ERC2: variants seen among roughly 807,000 people sequenced by gnomAD.
ERC2 encodes ERC protein 2.
In ERC2, 42 loss-of-function variants were observed where a neutral mutation model predicts 114.8. That is an observed-to-expected ratio of 0.37 (90% CI 0.29 to 0.47). The LOEUF is 0.47. Among genes scored for constraint, ERC2 ranks in the 20% least tolerant of loss-of-function variants. The probability of loss-of-function intolerance (pLI) is 0.99; values close to 1 mark genes in which losing one functional copy is unlikely to be tolerated. For missense variants in ERC2, 939 were observed against 1,150.7 expected, an observed-to-expected ratio of 0.82 and a Z score of 2.66; for synonymous variants, 454 against 425.5, an observed-to-expected ratio of 1.07 and a Z score of -0.82.
At chr3:55,839,756 C>T (rs1315244037) in intron 14 of ERC2, among the ~76,000 whole-genome samples, 2 of 151,642 alleles carry the variant, frequency 1.3e-5, no homozygotes, top group Admixed American at 6.6e-5. Flanking sequence ...TAATCCAAAT[C>T]AAGACAGTAA....
intron 2 of ERC2, among the ~76,000 whole-genome samples, chr3:56,397,980 T>C (rs2106917132): frequency 6.6e-6 from 1 of 152,242 alleles, no homozygotes. Flanking sequence ...AGAAGGTGTA[T>C]ACTACGCATA....
chr3:55,787,044 T>C (rs2069562103), intron 14 of ERC2, among the ~76,000 whole-genome samples: 1 of 152,188 alleles, frequency 6.6e-6, no homozygotes, highest in African/African-American at 2.4e-5. Flanking sequence ...GCTTTCCTAA[T>C]TACTATCTGC....
intron 17 of ERC2, among the ~76,000 whole-genome samples, chr3:55,598,595 G>A (rs892680942): frequency 9.2e-5 from 14 of 152,230 alleles, no homozygotes; most frequent in African/African-American, 3.4e-4. Flanking sequence ...CGAGAAACTG[G>A]TTTTTGATCA....
At position 55,680,902 on chromosome 3, in the gene ERC2, G is replaced by A. The variant is rs150317204; in HGVS notation, c.*39+2892C>T. 6.2e-3 allele frequency among the ~76,000 whole-genome samples: 938 copies of A among 152,236 alleles called. 3 individuals are homozygous for A. Among genetic ancestry groups the A allele is most frequent in the Admixed American group, 0.01 (158 of 15,294 alleles). On this transcript the variant is annotated intron_variant, in intron 17 of 17. Transcript: ENST00000288221. Reference sequence around the variant, plus strand: ...CAGCATAGACTACATAATTAGTGGCGCTGAGGGCAAATGAACATGTGAGGC... The same window carrying A: ...CAGCATAGACTACATAATTAGTGGCACTGAGGGCAAATGAACATGTGAGGC...
rs1217237600 is a variant in ERC2, at chr3:56,246,077, T to A, written c.1074+49942A>T. Among the ~76,000 whole-genome samples the A allele has an allele frequency of 2.1e-5, 3 of 141,466 alleles. 1 individual carries two copies. Among genetic ancestry groups the A allele is most frequent in the Non-Finnish European group, 1.5e-5 (1 of 66,190 alleles). The allele number at this position is 141,466 out of a possible 152,430, so 92.8% of individuals were successfully genotyped here. On this transcript the variant is annotated intron_variant, in intron 3 of 17. Coordinates refer to ENST00000288221, the MANE Select transcript of ERC2 (RefSeq NM_015576.3). The stretch of plus-strand genomic sequence containing the variant: ...TGATATTTCTTCCCTAATCATCAGT[T>A]TTTCCTCAGATTCTTTAAAAAAAAA...
chr3:55,656,270 CT>C (rs1419227663), intron 17 of ERC2, among the ~76,000 whole-genome samples: 4 of 152,134 alleles, frequency 2.6e-5, no homozygotes, highest in African/African-American at 9.7e-5. Flanking sequence ...TTCTGAGTAG[CT>C]TGGACTACAG....
At chr3:55,817,789 C>A (rs939493348) in intron 14 of ERC2, among the ~76,000 whole-genome samples, 1 of 152,176 alleles carries the variant, frequency 6.6e-6, no homozygotes, top group Non-Finnish European at 1.5e-5. Context: ...AAATAACGCA[C>A]GTAAAGAGCT....
intron 4 of ERC2, among the ~76,000 whole-genome samples, chr3:56,164,429 A>G (rs7633985): frequency 0.47 from 70,701 of 151,874 alleles, 16,785 homozygotes; most frequent in East Asian, 0.69. Context: ...TCAGTAATTT[A>G]TTACTTTTTG....
intron 17 of ERC2, among the ~76,000 whole-genome samples, chr3:55,565,431 C>T (rs2056303376): frequency 6.6e-6 from 1 of 152,056 alleles, no homozygotes; most frequent in South Asian, 2.1e-4. Context: ...GGAGAGAGGT[C>T]CAGGCCACAG....
chr3:56,171,253 G>A (rs1452853656), intron 4 of ERC2, among the ~76,000 whole-genome samples: 1 of 152,184 alleles, frequency 6.6e-6, no homozygotes, highest in African/African-American at 2.4e-5. Flanking sequence ...GGGGTGTAAT[G>A]TACAAAATCA....
chr3:55,552,334 T>C (rs900246050), intron 17 of ERC2, among the ~76,000 whole-genome samples: 3 of 152,212 alleles, frequency 2.0e-5, no homozygotes, highest in Admixed American at 6.5e-5. Context: ...TGTTTTTCCA[T>C]GGCCATACAT....
At chr3:55,601,002 C>T (rs1298799302) in intron 17 of ERC2, among the ~76,000 whole-genome samples, 2 of 152,236 alleles carry the variant, frequency 1.3e-5, no homozygotes, top group African/African-American at 4.8e-5. Flanking sequence ...CACAGGCCCT[C>T]TTCTGCAGTG....
chr3:56,437,559 A>G (rs1445050837), intron 1 of ERC2, among the ~76,000 whole-genome samples: 1 of 152,256 alleles, frequency 6.6e-6, no homozygotes, highest in Non-Finnish European at 1.5e-5. Flanking sequence ...AATGTTTTCT[A>G]TAAAGGTTTC....
intron 12 of ERC2, among the ~76,000 whole-genome samples, chr3:55,965,822 G>A (rs1013422487): frequency 2.6e-5 from 4 of 152,152 alleles, no homozygotes; most frequent in African/African-American, 9.7e-5. Flanking sequence ...TTAGTCTGAT[G>A]TGAATGAGTA....
intron 16 of ERC2, among the ~76,000 whole-genome samples, chr3:55,696,252 C>T (rs2062922605): frequency 6.6e-6 from 1 of 152,134 alleles, no homozygotes; most frequent in Non-Finnish European, 1.5e-5. Flanking sequence ...AATGATTTTT[C>T]ATATTTCTCC....
chr3:55,810,102 T>A (rs1302908123), intron 14 of ERC2, among the ~76,000 whole-genome samples: 1 of 152,182 alleles, frequency 6.6e-6, no homozygotes, highest in Non-Finnish European at 1.5e-5. Flanking sequence ...ATTTTAAAAA[T>A]CCATCTTAGT....
intron 3 of ERC2, among the ~76,000 whole-genome samples, chr3:56,269,645 A>G (rs960223366): frequency 3.3e-5 from 5 of 152,196 alleles, no homozygotes; most frequent in African/African-American, 1.2e-4. Context: ...CTTAGGAAGG[A>G]AGCAAATAAC....
intron 3 of ERC2, among the ~76,000 whole-genome samples, chr3:56,226,924 A>G (rs1235123799): frequency 1.3e-5 from 2 of 152,202 alleles, no homozygotes. Context: ...CATTGGCAGC[A>G]CCCAAAACTG....
chr3:55,706,963 T>C (rs2063523822), intron 15 of ERC2, among the ~76,000 whole-genome samples: 2 of 152,178 alleles, frequency 1.3e-5, no homozygotes, highest in African/African-American at 2.4e-5. Flanking sequence ...TCAGGATTCC[T>C]TGAGTCTCAT....
Sources: allele counts gnomAD v4.1 joint callset (sites outside exome capture counted in the v4.1 genomes callset), GRCh38; gene constraint gnomAD v4.1.1; transcripts MANE v1.5; gene names NCBI Gene and HGNC (gene_info 2026-07-23, HGNC 2026-07-21).